The following AMPH variants were observed in gnomAD, a reference collection of about 807,000 sequenced individuals.
The protein encoded by AMPH is amphiphysin (Stiff-Mann syndrome with breast cancer 128kD autoantigen).
AMPH carries 49 observed loss-of-function variants against 99.1 expected under a neutral mutation model. That is an observed-to-expected ratio of 0.49 (90% CI 0.39 to 0.63). AMPH has a LOEUF of 0.63. AMPH is among the 20% of genes least tolerant of loss of function. The pLI, the probability that AMPH is intolerant of heterozygous loss-of-function variation, is 0.00. For missense variants in AMPH, 759 were observed against 863.4 expected, an observed-to-expected ratio of 0.88 and a Z score of 1.52; for synonymous variants, 314 against 317.3, an observed-to-expected ratio of 0.99 and a Z score of 0.11.
intron 1 of AMPH, among the ~76,000 whole-genome samples, chr7:38,579,146 G>C (rs1400116399): frequency 6.6e-6 from 1 of 152,228 alleles, no homozygotes; most frequent in Non-Finnish European, 1.5e-5. Context: ...ACTAAGGACA[G>C]ATAGAAAGAC....
chr7:38,565,736 G>A (rs746990086), intron 1 of AMPH, among the ~76,000 whole-genome samples: 3 of 152,132 alleles, frequency 2.0e-5, no homozygotes, highest in African/African-American at 4.8e-5. Flanking sequence ...CAATTCCCAC[G>A]TCAGTGGGAG....
chr7:38,525,277 T>G (rs201201554), intron 2 of AMPH, among the ~76,000 whole-genome samples: 2,177 of 86,548 alleles, frequency 0.025, 40 homozygotes, highest in East Asian at 0.082. Flanking sequence ...TATATATATA[T>G]AGAGAGAGAG....
At chr7:38,462,340 G>C (rs1190836783) in intron 10 of AMPH, among the ~76,000 whole-genome samples, 3 of 152,128 alleles carry the variant, frequency 2.0e-5, no homozygotes, top group African/African-American at 7.2e-5. Flanking sequence ...CCTTTGTAAG[G>C]CAAGCAGCAT....
rs1388940965 is a variant in AMPH at position 38,433,720 on chromosome 7, G to A, written c.1135-1508C>T. ...AGCCTGGGCAACAGAGCGAGACTCC[G>A]TCTCAAAAAAAAAAAAAAAAAAAAA... On this transcript the variant is annotated intron_variant, in intron 12 of 20. Coordinates refer to ENST00000356264, the MANE Select transcript of AMPH (RefSeq NM_001635.4). Among the ~76,000 whole-genome samples the A allele has an allele frequency of 5.7e-4, 6 of 10,600 alleles. 1 individual carries two copies. The highest frequency in any genetic ancestry group is 6.0e-4 in the Non-Finnish European group (4 of 6,652). 7.0% of individuals were successfully genotyped at this position (10,600 alleles called of 152,430 possible). A position where few individuals can be genotyped will look rare whatever the true frequency, so the allele number is the denominator to read the frequency against.
intron 1 of AMPH, among the ~76,000 whole-genome samples, chr7:38,623,505 G>T (rs940743656): frequency 1.5e-4 from 23 of 152,158 alleles, no homozygotes; most frequent in Admixed American, 1.2e-3. Flanking sequence ...TACAGCCAGA[G>T]AAAATAACCC....
At chr7:38,555,022 T>C (rs957370591) in intron 1 of AMPH, among the ~76,000 whole-genome samples, 1 of 152,218 alleles carries the variant, frequency 6.6e-6, no homozygotes, top group African/African-American at 2.4e-5. Flanking sequence ...TTGCCTGTTT[T>C]GACCTGGCTA....
chr7:38,601,049 G>A (rs889024894), intron 1 of AMPH, among the ~76,000 whole-genome samples: 3 of 152,164 alleles, frequency 2.0e-5, no homozygotes, highest in Admixed American at 2.0e-4. Context: ...GAACTCTCCT[G>A]AGGTCCTTGT....
chr7:38,415,389 C>T (rs1163263698), intron 17 of AMPH, among the ~76,000 whole-genome samples: 4 of 152,148 alleles, frequency 2.6e-5, no homozygotes, highest in Non-Finnish European at 4.4e-5. Context: ...GTCAACTCAA[C>T]GCTGACTGAC....
At chr7:38,417,575 A>G (rs774165219) in intron 17 of AMPH, among the ~76,000 whole-genome samples, 6 of 152,204 alleles carry the variant, frequency 3.9e-5, no homozygotes, top group African/African-American at 1.4e-4. Context: ...AAGTTCTACA[A>G]CCCTTCTACT....
intron 2 of AMPH, among the ~76,000 whole-genome samples, chr7:38,520,095 T>C (rs1223891245): frequency 6.6e-6 from 1 of 152,170 alleles, no homozygotes; most frequent in East Asian, 1.9e-4. Flanking sequence ...CGTATGTGTG[T>C]ATGTATATAT....
At chr7:38,465,179 C>T (rs2129009867) in intron 9 of AMPH, among the ~76,000 whole-genome samples, 1 of 152,218 alleles carries the variant, frequency 6.6e-6, no homozygotes, top group Admixed American at 6.5e-5. Context: ...CAAGCATATA[C>T]ATTATATATT....
intron 2 of AMPH, among the ~76,000 whole-genome samples, chr7:38,529,375 T>C (rs1338321940): frequency 6.6e-6 from 1 of 152,248 alleles, no homozygotes; most frequent in Non-Finnish European, 1.5e-5. Flanking sequence ...CAATGTGTTG[T>C]CCCTGGATCA....
At chr7:38,391,003 GA>G (rs1562721100) in intron 19 of AMPH, among the ~76,000 whole-genome samples, 34 of 52,220 alleles carry the variant, frequency 6.5e-4, no homozygotes, top group Non-Finnish European at 9.8e-4. Flanking sequence ...GAGAGAGAGA[GA>G]GAGAGAGAGA....
intron 2 of AMPH, among the ~76,000 whole-genome samples, chr7:38,533,626 A>G (rs2392580): frequency 0.39 from 58,898 of 151,692 alleles, 11,695 homozygotes; most frequent in Middle Eastern, 0.53. Flanking sequence ...GAGCAAAGGG[A>G]GCAAAATAAA....
intron 11 of AMPH, among the ~76,000 whole-genome samples, chr7:38,439,389 C>A (rs1299868545): frequency 6.6e-6 from 1 of 152,140 alleles, no homozygotes; most frequent in Admixed American, 6.5e-5. Context: ...CTTAGCTTTG[C>A]CCTCTTAATC....
intron 1 of AMPH, among the ~76,000 whole-genome samples, chr7:38,556,944 T>C (rs1221156724): frequency 6.6e-6 from 1 of 152,090 alleles, no homozygotes; most frequent in African/African-American, 2.4e-5. Context: ...CTTGGATGAA[T>C]GAATGAAAGA....
At chr7:38,513,962 T>C (rs552314840) in intron 2 of AMPH, among the ~76,000 whole-genome samples, 51 of 152,322 alleles carry the variant, frequency 3.3e-4, no homozygotes, top group African/African-American at 1.1e-3. Context: ...CTCCCAGCTA[T>C]AGTCTTGGTC....
At chr7:38,578,426 A>G (rs1302707706) in intron 1 of AMPH, among the ~76,000 whole-genome samples, 1 of 151,804 alleles carries the variant, frequency 6.6e-6, no homozygotes, top group African/African-American at 2.4e-5. Context: ...TATTTATCAT[A>G]TTAGATTTTA....
chr7:38,472,533 G>A (rs1278616905), intron 7 of AMPH, among the ~76,000 whole-genome samples: 4 of 152,108 alleles, frequency 2.6e-5, no homozygotes, highest in African/African-American at 7.2e-5. Context: ...AATGATTAGA[G>A]GTTATACATG....
Sources: gnomAD v4.1 joint callset for allele counts (sites outside exome capture counted in the v4.1 genomes callset) on GRCh38, gnomAD v4.1.1 for gene constraint, MANE v1.5 for transcripts, NCBI Gene and HGNC (gene_info 2026-07-23, HGNC 2026-07-21) for gene names.